Variants in PPHLN1 observed in about 807,000 individuals in gnomAD.
The protein encoded by PPHLN1 is periphilin 1.
Under a neutral mutation model 51.3 loss-of-function variants are expected in PPHLN1, and 29 were observed. That is an observed-to-expected ratio of 0.57 (90% CI 0.42 to 0.77). The LOEUF is 0.77. Ranked by LOEUF, PPHLN1 falls within the 30% of genes least tolerant of loss-of-function variation. The pLI, the probability that PPHLN1 is intolerant of heterozygous loss-of-function variation, is 0.00. For missense variants in PPHLN1, 436 were observed against 438.4 expected (o/e 0.99, Z 0.05); for synonymous variants, 147 against 147.8 (o/e 0.99, Z 0.04).
In PPHLN1 at chr12:42,343,607, G is replaced by A. The variant is rs74078067; in HGVS notation, c.72+7633G>A. ...AATTTTTTAATAGTTTTTTTTAATG[G>A]GAAAATTACATACATGAAATGTAAA... On this transcript the variant is annotated intron_variant, in intron 2 of 9. Transcript: ENST00000358314. 3.2e-3 allele frequency among the ~76,000 whole-genome samples: 485 copies of A among 151,876 alleles called. 1 individual carries two copies. Among genetic ancestry groups the A allele is most frequent in the African/African-American group, 0.011 (463 of 41,410 alleles).
At chr12:42,336,060 CTTCAAGTGTCAGAAA>C in intron 2 of PPHLN1, 86 bp downstream of exon 2, 1 of 805,952 alleles carries the variant, frequency 1.2e-6, no homozygotes, top group South Asian at 3.4e-5. Flanking sequence ...TTAACAAAAT[CTTCAAGTGTCAGAAA>C]TTTACCAGTG....
intron 7 of PPHLN1, among the ~76,000 whole-genome samples, chr12:42,389,495 T>C (rs1796386): frequency 5.9e-5 from 9 of 151,332 alleles, no homozygotes; most frequent in African/African-American, 1.9e-4. Context: ...GGGAGGCGGG[T>C]GTTGCAGTGA....
chr12:42,328,477 G>T (rs1205461348), intron 1 of PPHLN1, among the ~76,000 whole-genome samples: 1 of 152,124 alleles, frequency 6.6e-6, no homozygotes, highest in Non-Finnish European at 1.5e-5. Flanking sequence ...GACCGGTTAA[G>T]GCCTTAACTT....
chr12:42,331,394 T>C lies in PPHLN1; in HGVS notation c.-20-4489T>C, dbSNP rs143592316. Among the ~76,000 whole-genome samples the C allele has an allele frequency of 2.6e-3, 399 of 152,242 alleles. 1 individual carries two copies. The highest frequency in any genetic ancestry group is 9.2e-3 in the African/African-American group (381 of 41,548). ...CATTATCTTGACTTTGGATTCAGAG[T>C]GTTAATGGTTTGACAGAAGGATATT... On this transcript the variant is annotated intron_variant, in intron 1 of 9. Coordinates refer to ENST00000358314, the MANE Select transcript of PPHLN1 (RefSeq NM_201439.2).
intron 1 of PPHLN1, among the ~76,000 whole-genome samples, chr12:42,329,505 T>G (rs2069367108): frequency 6.6e-6 from 1 of 152,206 alleles, no homozygotes; most frequent in Admixed American, 6.5e-5. Flanking sequence ...TATTCATCAG[T>G]GAACAAATAG....
At position 42,348,276 on chromosome 12, in the gene PPHLN1, ATTTTTTTTTT is replaced by A. The variant is rs1213561958; in HGVS notation, c.73-3593_73-3584del. 3.4e-4 allele frequency among the ~76,000 whole-genome samples: 29 copies of A among 85,606 alleles called. 1 individual carries two copies. Among genetic ancestry groups the A allele is most frequent in the Admixed American group, 5.9e-4 (4 of 6,762 alleles). 56.2% of individuals were successfully genotyped at this position (85,606 alleles called of 152,430 possible). On this transcript the variant is annotated intron_variant, in intron 2 of 9. Coordinates refer to ENST00000358314, the MANE Select transcript of PPHLN1 (RefSeq NM_201439.2). ...CAGGCATGCACACCTCACCTGGCTA[ATTTTTTTTTT>A]TTTTTTTTTTTTTTTAGTAGAAACG...
intron 2 of PPHLN1, chr12:42,343,957 T>C (rs1221514612): frequency 5.0e-6 from 2 of 403,408 alleles, no homozygotes; most frequent in African/African-American, 2.1e-5. Context: ...TCATAGACTA[T>C]AGGGATCAGA....
At chr12:42,373,361 A>G (rs1218224597) in intron 4 of PPHLN1, among the ~76,000 whole-genome samples, 1 of 152,216 alleles carries the variant, frequency 6.6e-6, no homozygotes, top group Non-Finnish European at 1.5e-5. Context: ...TTTACCATAA[A>G]TGAATTTAAG....
intron 1 of PPHLN1, among the ~76,000 whole-genome samples, chr12:42,327,103 T>C (rs11181424): frequency 9.2e-5 from 14 of 152,240 alleles, no homozygotes; most frequent in Non-Finnish European, 1.9e-4. Context: ...ATCTCTGTTA[T>C]CCTTGGTTAC....
At chr12:42,352,776 C>G (rs186906024) in intron 3 of PPHLN1, among the ~76,000 whole-genome samples, 1 of 152,070 alleles carries the variant, frequency 6.6e-6, no homozygotes. Context: ...CTCAAAACAT[C>G]GTCATAGGAA....
In PPHLN1 at chr12:42,387,456, A is replaced by G. The variant is rs748668942; in HGVS notation, c.569A>G (p.Asp190Gly). ...KRQNEGNPER[D>G]KERPVQSLKT... ...TTACATCTTATGTTTTCTTATATAG[A>G]TAAAGAGAGGCCTGTCCAGTCTTTG... is the stretch of plus-strand genomic sequence containing the variant. The change falls in exon 7 of 10, where the codon GAT becomes GGT. Residue 190 changes from aspartate to glycine, a missense_variant and splice_region_variant. Coordinates refer to ENST00000358314, the MANE Select transcript of PPHLN1 (RefSeq NM_201439.2). 15 of 1,606,864 alleles carry G rather than the reference A, an allele frequency of 9.3e-6. No homozygotes were observed. The highest frequency in any genetic ancestry group is 1.3e-5 in the Non-Finnish European group (15 of 1,178,048).
At chr12:42,375,546 G>A (rs1629725) in intron 5 of PPHLN1, among the ~76,000 whole-genome samples, 42,557 of 151,768 alleles carry the variant, frequency 0.28, 7,323 homozygotes, top group Non-Finnish European at 0.38. Context: ...TCCTGATCTC[G>A]TGATCCGCCC....
rs73270298 is a variant in PPHLN1 at position 42,368,399 on chromosome 12, T to A, written c.300-6464T>A. On this transcript the variant is annotated intron_variant, in intron 4 of 9. Transcript: ENST00000358314. Reference sequence around the variant, plus strand: ...AAGCTTGAGAGTCCATGTATTCATGTAAGGTTAAAAATGAGATAACTGATG... The same window carrying A: ...AAGCTTGAGAGTCCATGTATTCATGAAAGGTTAAAAATGAGATAACTGATG... Among the ~76,000 whole-genome samples the A allele has an allele frequency of 4.5e-3, 685 of 152,342 alleles. 6 individuals carry two copies. Among genetic ancestry groups the A allele is most frequent in the African/African-American group, 0.015 (632 of 41,582 alleles).
At chr12:42,442,714 A>C (rs1055216279), downstream of PPHLN1, 3 of 1,613,936 alleles carry the variant, frequency 1.9e-6, no homozygotes, top group Non-Finnish European at 2.5e-6. Flanking sequence ...GAACCCCCGA[A>C]AACGAAGGCG....
chr12:42,435,084 A>G (rs961865296), intron 9 of PPHLN1, among the ~76,000 whole-genome samples: 2 of 152,174 alleles, frequency 1.3e-5, no homozygotes, highest in African/African-American at 4.8e-5. Flanking sequence ...TTTCTTTTTT[A>G]TATGTGGAAT....
At chr12:42,332,641 G>A (rs1010905362) in intron 1 of PPHLN1, 3 of 1,555,280 alleles carry the variant, frequency 1.9e-6, no homozygotes, top group Non-Finnish European at 2.7e-6. Context: ...CTTTACGTCT[G>A]TATTTCCCCC....
At chr12:42,445,830 C>A (rs2083284699), downstream of PPHLN1, 5 of 954,678 alleles carry the variant, frequency 5.2e-6, no homozygotes, top group Middle Eastern at 2.8e-4. Flanking sequence ...AAATTTCAGT[C>A]AGCTATAGAA....
intron 4 of PPHLN1, among the ~76,000 whole-genome samples, chr12:42,370,864 C>G (rs1294131952): frequency 6.6e-6 from 1 of 152,168 alleles, no homozygotes; most frequent in African/African-American, 2.4e-5. Flanking sequence ...GGGTCTCACT[C>G]TGTTGCCTAG....
At chr12:42,389,263 C>T (rs764618126) in intron 7 of PPHLN1, among the ~76,000 whole-genome samples, 3 of 151,986 alleles carry the variant, frequency 2.0e-5, no homozygotes, top group East Asian at 1.9e-4. Context: ...GTCCCAGCTA[C>T]GTAGGAGGCT....
Sources: gnomAD v4.1 joint callset for allele counts (sites outside exome capture counted in the v4.1 genomes callset) on GRCh38, gnomAD v4.1.1 for gene constraint, MANE v1.5 for transcripts, NCBI Gene and HGNC (gene_info 2026-07-23, HGNC 2026-07-21) for gene names.